UNC93A: variants seen among roughly 807,000 people sequenced by gnomAD.
The protein encoded by UNC93A is unc-93 homolog A.
Under a neutral mutation model 47.5 loss-of-function variants are expected in UNC93A, and 43 were observed. The ratio of observed to expected loss-of-function variants is 0.91; its 90% CI spans 0.71 to 1.17. The LOEUF (loss-of-function observed/expected upper bound fraction) is 1.17, where lower values mean the gene tolerates loss of function less well. UNC93A is among the 50% of genes most tolerant of loss of function. The probability of loss-of-function intolerance (pLI) is 0.00; values close to 1 mark genes in which losing one functional copy is unlikely to be tolerated. For synonymous variants in UNC93A, 280 were observed against 258.0 expected (o/e 1.09, Z -0.82); for missense variants, 605 against 577.6 (o/e 1.05, Z -0.49).
intron 5 of UNC93A, 66 bp downstream of exon 5, chr6:167,304,199 T>C (rs1778319660): frequency 6.4e-7 from 1 of 1,571,438 alleles, no homozygotes; most frequent in East Asian, 2.2e-5. Context: ...CCTGTGTCTG[T>C]ACCTGCAGGA....
chr6:167,294,195 A>T (rs1352562363), intron 1 of UNC93A, among the ~76,000 whole-genome samples: 4 of 152,066 alleles, frequency 2.6e-5, no homozygotes, highest in Non-Finnish European at 5.9e-5. Flanking sequence ...ATCCTGTCAC[A>T]CTGTCCTGTT....
chr6:167,296,820 CA>C (rs1260246126), intron 3 of UNC93A, among the ~76,000 whole-genome samples: 22 of 152,172 alleles, frequency 1.4e-4, no homozygotes, highest in African/African-American at 5.3e-4. Flanking sequence ...AGGCTTTAAG[CA>C]CAGGGCAGAG....
chr6:167,285,152 CCCGAGAGAGGGTGGCTGA>C (rs1783703308), intron 1 of UNC93A, among the ~76,000 whole-genome samples: 1 of 151,872 alleles, frequency 6.6e-6, no homozygotes, highest in African/African-American at 2.4e-5. Flanking sequence ...TGGTTACCTG[CCCGAGAGAGGGTGGCTGA>C]CCATCTGGGA....
intron 1 of UNC93A, among the ~76,000 whole-genome samples, chr6:167,276,709 A>C (rs1240908810): frequency 6.6e-6 from 1 of 152,146 alleles, no homozygotes; most frequent in African/African-American, 2.4e-5. Flanking sequence ...CATGTTTGGG[A>C]AATTTTCACA....
chr6:167,281,339 G>A (rs1407083183), intron 1 of UNC93A, among the ~76,000 whole-genome samples: 1 of 152,154 alleles, frequency 6.6e-6, no homozygotes, highest in East Asian at 1.9e-4. Context: ...CTCCCAAGCT[G>A]CCTGTTTATT....
At chr6:167,290,535 A>T (rs1366109148), upstream of UNC93A, among the ~76,000 whole-genome samples, 2 of 152,222 alleles carry the variant, frequency 1.3e-5, no homozygotes, top group Non-Finnish European at 2.9e-5. Context: ...TAGCTATGAC[A>T]TTTGTGGTAA....
chr6:167,293,822 C>T (rs1583072918), intron 1 of UNC93A, among the ~76,000 whole-genome samples: 1 of 152,192 alleles, frequency 6.6e-6, no homozygotes, highest in East Asian at 1.9e-4. Flanking sequence ...TGCAGGCCTC[C>T]AAGTTCTCAT....
At chr6:167,274,042 C>T (rs1432941806) in intron 1 of UNC93A, among the ~76,000 whole-genome samples, 1 of 152,100 alleles carries the variant, frequency 6.6e-6, no homozygotes, top group African/African-American at 2.4e-5. Context: ...AGACTTTCCC[C>T]ACAAGAGACA....
intron 7 of UNC93A, among the ~76,000 whole-genome samples, chr6:167,311,254 A>G (rs977156606): frequency 2.0e-5 from 3 of 152,214 alleles, no homozygotes; most frequent in African/African-American, 4.8e-5. Context: ...CCTTTCAGTC[A>G]TCACTGCTCA....
chr6:167,284,699 CAG>C (rs1456116065), intron 1 of UNC93A, among the ~76,000 whole-genome samples: 3 of 152,290 alleles, frequency 2.0e-5, no homozygotes, highest in Admixed American at 1.3e-4. Context: ...CTTGGAAAAA[CAG>C]AGTCTTGCCT....
chr6:167,311,821 C>T (rs181380096), intron 7 of UNC93A, among the ~76,000 whole-genome samples: 6 of 152,290 alleles, frequency 3.9e-5, no homozygotes, highest in African/African-American at 1.2e-4. Flanking sequence ...AGGTACCAAC[C>T]TATAGATCCA....
chr6:167,272,552 G>T (rs540187483), intron 1 of UNC93A, among the ~76,000 whole-genome samples: 1 of 152,316 alleles, frequency 6.6e-6, no homozygotes, highest in East Asian at 1.9e-4. Context: ...GGAGCAGCTT[G>T]GATTTATACA....
intron 1 of UNC93A, among the ~76,000 whole-genome samples, chr6:167,292,788 G>A (rs1783870376): frequency 6.6e-6 from 1 of 152,204 alleles, no homozygotes; most frequent in African/African-American, 2.4e-5. Flanking sequence ...TTTCTGGAAG[G>A]AGGGAGTCTC....
At chr6:167,307,712 C>T (rs942149845) in intron 6 of UNC93A, 67 bp from the exon 7 acceptor site, 2 of 1,537,590 alleles carry the variant, frequency 1.3e-6, no homozygotes, top group African/African-American at 3.1e-5. Context: ...CACTGACCCA[C>T]CTCCAGGCCC....
chr6:167,303,575 G>A (rs2072761), intron 4 of UNC93A, among the ~76,000 whole-genome samples: 4,067 of 151,968 alleles, frequency 0.027, 185 homozygotes, highest in African/African-American at 0.092. Flanking sequence ...TAGAAATTGC[G>A]TTGGGGATTA....
chr6:167,270,508 G>A (rs139187833), upstream of UNC93A, among the ~76,000 whole-genome samples: 115 of 152,222 alleles, frequency 7.6e-4, no homozygotes, highest in African/African-American at 2.7e-3. Context: ...GGAGCCTTCC[G>A]GTGTGGGGGA....
chr6:167,280,364 T>C (rs1027373213), intron 1 of UNC93A, among the ~76,000 whole-genome samples: 4 of 152,170 alleles, frequency 2.6e-5, no homozygotes, highest in South Asian at 2.1e-4. Flanking sequence ...AAATGCTAAA[T>C]TCATTTCAAT....
chr6:167,294,768 A>G lies in UNC93A; in HGVS notation c.269+70A>G, dbSNP rs371245237. The G allele has an allele frequency of 3.2e-5, 48 of 1,492,112 alleles. No homozygotes were observed. In the Middle Eastern group the frequency reaches 9.9e-4, roughly 31 times the overall value. 92.4% of individuals were successfully genotyped at this position (1,492,112 alleles called of 1,614,324 possible). ...CACGCTAGGGACGTTCACTCTGCAC[A>G]TGAGTTGCATTTGCACCTGATTACT... On this transcript the variant is annotated intron_variant, in intron 2 of 7. Coordinates refer to ENST00000230256, the MANE Select transcript of UNC93A (RefSeq NM_018974.4).
chr6:167,296,390 C>T, intron 3 of UNC93A, 129 bp downstream of exon 3: 2 of 968,176 alleles, frequency 2.1e-6, no homozygotes, highest in East Asian at 2.5e-5. Context: ...TCAGGCCCCA[C>T]AGGTGAGATT....
Sources: gnomAD v4.1 joint callset for allele counts (sites outside exome capture counted in the v4.1 genomes callset) on GRCh38, gnomAD v4.1.1 for gene constraint, MANE v1.5 for transcripts, NCBI Gene and HGNC (gene_info 2026-07-23, HGNC 2026-07-21) for gene names.